ITGB5: variants seen among roughly 807,000 people sequenced by gnomAD.
ITGB5 encodes integrin beta-5.
In ITGB5, 38 loss-of-function variants were observed where a neutral mutation model predicts 84.8. The observed-to-expected ratio is 0.45, with a 90% CI of 0.35 to 0.59. ITGB5 has a LOEUF of 0.59. Among genes scored for constraint, ITGB5 ranks in the 20% least tolerant of loss-of-function variants. The probability of loss-of-function intolerance (pLI) is 0.01; values close to 1 mark genes in which losing one functional copy is unlikely to be tolerated. For synonymous variants in ITGB5, 393 were observed against 414.4 expected (o/e 0.95, Z 0.63); for missense variants, 905 against 1,034.5 (o/e 0.87, Z 1.72).
chr3:124,780,394 A>C (rs2063986797), intron 10 of ITGB5, among the ~76,000 whole-genome samples: 1 of 152,208 alleles, frequency 6.6e-6, no homozygotes, highest in Non-Finnish European at 1.5e-5. Flanking sequence ...CACCCAGCTC[A>C]GTGTTATAAC....
At chr3:124,877,930 C>T (rs116718155) in intron 1 of ITGB5, among the ~76,000 whole-genome samples, 1,960 of 152,258 alleles carry the variant, frequency 0.013, 56 homozygotes, top group African/African-American at 0.043. Flanking sequence ...TGCAACCTTG[C>T]TTCCCAAGTT....
chr3:124,806,791 T>C (rs1181043561), intron 9 of ITGB5, among the ~76,000 whole-genome samples: 1 of 115,050 alleles, frequency 8.7e-6, no homozygotes, highest in African/African-American at 4.9e-5. Context: ...CTGTAAAGCA[T>C]TAGTGTTTTT....
intron 1 of ITGB5, among the ~76,000 whole-genome samples, 180 bp from the exon 2 acceptor site, chr3:124,873,711 T>G (rs1452208921): frequency 1.3e-5 from 2 of 152,168 alleles, no homozygotes; most frequent in Non-Finnish European, 1.5e-5. Context: ...ATTGAGTTTT[T>G]GAAGCATTCA....
intron 10 of ITGB5, among the ~76,000 whole-genome samples, chr3:124,786,748 C>G (rs2064087347): frequency 6.6e-6 from 1 of 152,132 alleles, no homozygotes; most frequent in African/African-American, 2.4e-5. Flanking sequence ...ACACTCACCC[C>G]AAAGATCAAC....
rs1042193170 is a variant in ITGB5 at position 124,886,590 on chromosome 3, C to T, written c.70+341G>A. ...GCCACAAGGACCGCTTTGTGCCCGCCAACGGAGAGCCCGGGCCCCAAGGCA... is the reference window on the plus strand; with the variant it reads ...GCCACAAGGACCGCTTTGTGCCCGCTAACGGAGAGCCCGGGCCCCAAGGCA... On this transcript the variant is annotated intron_variant, in intron 1 of 14. Transcript: ENST00000296181. Among the ~76,000 whole-genome samples, 10 of 151,936 alleles carry T rather than the reference C, an allele frequency of 6.6e-5. 1 individual carries two copies. In the South Asian group the frequency reaches 2.1e-3, roughly 31 times the overall value.
At chr3:124,803,729 G>A (rs757799281) in intron 9 of ITGB5, among the ~76,000 whole-genome samples, 2 of 152,214 alleles carry the variant, frequency 1.3e-5, no homozygotes, top group Admixed American at 6.5e-5. Context: ...GCACTCTCCC[G>A]TGGAGGCTCC....
chr3:124,877,240 A>G (rs1934367543), intron 1 of ITGB5, among the ~76,000 whole-genome samples: 1 of 151,148 alleles, frequency 6.6e-6, no homozygotes. Context: ...GGGCCTCCCA[A>G]AGTGCTAGGA....
At chr3:124,780,683 C>G (rs1416883491) in intron 10 of ITGB5, 1 of 150,954 alleles carries the variant, frequency 6.6e-6, no homozygotes, top group East Asian at 2.0e-4. Context: ...CTCCTCTCAT[C>G]GTCTCATCTC....
chr3:124,876,179 G>A (rs1934303240), intron 1 of ITGB5, among the ~76,000 whole-genome samples: 1 of 152,002 alleles, frequency 6.6e-6, no homozygotes, highest in South Asian at 2.1e-4. Context: ...GATAACTATG[G>A]GAGGTGATAA....
intron 11 of ITGB5, among the ~76,000 whole-genome samples, chr3:124,772,063 C>G (rs1372972482): frequency 6.7e-6 from 1 of 148,656 alleles, no homozygotes; most frequent in Non-Finnish European, 1.5e-5. Flanking sequence ...AAAGGTTCTG[C>G]TGCTGGGAGC....
chr3:124,775,691 C>A (rs1401065379), intron 10 of ITGB5, among the ~76,000 whole-genome samples: 5 of 152,140 alleles, frequency 3.3e-5, no homozygotes, highest in African/African-American at 1.2e-4. Flanking sequence ...GGTGGGGAGA[C>A]CTTTCATTTT....
chr3:124,783,225 A>G (rs115372785), intron 10 of ITGB5, among the ~76,000 whole-genome samples: 6,992 of 137,346 alleles, frequency 0.051, 227 homozygotes, highest in South Asian at 0.099. Flanking sequence ...AGGCAGGCGG[A>G]GGTTGCAATG....
At position 124,873,456 on chromosome 3, in the gene ITGB5, C is replaced by T. The variant is rs139606872; in HGVS notation, c.146G>A (p.Cys49Tyr). 1.3e-4 allele frequency: 213 copies of T among 1,612,618 alleles called. No homozygotes were observed. The African/African-American group carries it at 2.6e-3, about 20-fold the overall frequency. The change falls in exon 2 of 15, where the codon TGC becomes TAC. Residue 49 changes from cysteine to tyrosine, a missense_variant. Physicochemically the swap from Cys to Tyr is radical, Grantham distance 194. This residue lies in a region of ITGB5 where 656 missense variants were observed against 734.7 expected (regional missense o/e 0.89). Coordinates refer to ENST00000296181, the MANE Select transcript of ITGB5 (RefSeq NM_002213.5). Reference protein sequence around the residue: ...CLLIHPKCAWCSKEDFGSPRS... With the variant: ...CLLIHPKCAWYSKEDFGSPRS... ...CCCCCACCTACATACCTCTTTGGAG[C>T]ACCAGGCACATTTTGGGTGGATTAG... is the stretch of plus-strand genomic sequence containing the variant.
rs2063715063 is a variant in ITGB5, at chr3:124,763,003, T to C, written c.*620A>G. The C allele has an allele frequency of 6.6e-6, 1 of 152,170 alleles. No homozygotes were observed. Among genetic ancestry groups the C allele is most frequent in the South Asian group, 2.1e-4 (1 of 4,824 alleles). 9.4% of individuals were successfully genotyped at this position (152,170 alleles called of 1,614,324 possible). ...AATCTTTACTTCCAATCCCAAACAA[T>C]CTTGTTTCTTTTCATTATAAAAGTA... On this transcript the variant is annotated 3_prime_UTR_variant, in exon 15 of 15. Transcript: ENST00000296181.
chr3:124,848,552 T>C lies in ITGB5; in HGVS notation c.368A>G (p.Lys123Arg), dbSNP rs28372859. 6.2e-7 allele frequency: 1 copy of C among 1,611,106 alleles called. No individual in the cohort carries two copies. Among genetic ancestry groups the C allele is most frequent in the Non-Finnish European group, 8.5e-7 (1 of 1,179,406 alleles). ...GCGAACCTGTAGCTGGAAGGTGGTC[T>C]TGTCACCTGCACCAACAGAGAGGCC... The part of the protein sequence containing the change: ...EIAVNLRPGD[K>R]TTFQLQVRQV... Residue 123 changes from lysine to arginine, a missense_variant, in exon 4 of 15, where the codon AAG (lysine) becomes AGG (arginine). Around this residue, in one of 3 missense-constraint regions of ITGB5, gnomAD observed 656 missense variants for 734.7 expected, o/e 0.89. Transcript: ENST00000296181.
intron 9 of ITGB5, among the ~76,000 whole-genome samples, chr3:124,807,567 C>A (rs1170735582): frequency 6.6e-6 from 1 of 152,180 alleles, no homozygotes; most frequent in Non-Finnish European, 1.5e-5. Flanking sequence ...AAGAGGCTTT[C>A]ATTTTCTCAA....
intron 12 of ITGB5, 73 bp downstream of exon 12, chr3:124,768,940 T>C: frequency 8.1e-7 from 1 of 1,229,502 alleles, no homozygotes; most frequent in Admixed American, 1.8e-5. Context: ...GCCTCCTGAC[T>C]CAAGGCTAAA....
At chr3:124,779,718 C>T (rs913620194) in intron 10 of ITGB5, among the ~76,000 whole-genome samples, 2 of 152,134 alleles carry the variant, frequency 1.3e-5, no homozygotes, top group Non-Finnish European at 2.9e-5. Flanking sequence ...AAATGCCTTG[C>T]GGGTAGGGTT....
At chr3:124,790,645 A>G (rs1307777997) in intron 10 of ITGB5, among the ~76,000 whole-genome samples, 2 of 152,034 alleles carry the variant, frequency 1.3e-5, no homozygotes, top group East Asian at 3.9e-4. Flanking sequence ...CAGACCCAGA[A>G]CCCATGCTTG....
Sources: allele counts gnomAD v4.1 joint callset (sites outside exome capture counted in the v4.1 genomes callset), GRCh38; gene constraint gnomAD v4.1.1; regional missense constraint gnomAD v4.1.1; transcripts MANE v1.5; gene names NCBI Gene and HGNC (gene_info 2026-07-23, HGNC 2026-07-21).